IQCM: variants seen among roughly 807,000 people sequenced by gnomAD.
IQCM encodes IQ motif containing M, also known as IQ domain-containing protein M.
A neutral mutation model predicts 57.6 loss-of-function variants in IQCM; 45 were observed. The ratio of observed to expected loss-of-function variants is 0.78; its 90% CI spans 0.62 to 1.00. The LOEUF is 1.00. Among genes scored for constraint, IQCM ranks in the 50% least tolerant of loss-of-function variants. IQCM has a pLI of 0.00. For synonymous variants in IQCM, 148 were observed against 158.9 expected (o/e 0.93, Z 0.51); for missense variants, 468 against 511.6 (o/e 0.91, Z 0.82).
rs185761365 is a variant in IQCM at position 149,620,887 on chromosome 4, A to C, written c.681+242T>G. 2.6e-3 allele frequency among the ~76,000 whole-genome samples: 398 copies of C among 152,364 alleles called. 3 individuals carry two copies. The highest frequency in any genetic ancestry group is 4.0e-3 in the Non-Finnish European group (274 of 68,040). ...GAGCAAACCATGTGATGATCGCTTTAACCAATGCTCTTCAAATAAAAAATG... is the reference window on the plus strand; with the variant it reads ...GAGCAAACCATGTGATGATCGCTTTCACCAATGCTCTTCAAATAAAAAATG... On this transcript the variant is annotated intron_variant, in intron 8 of 13. Coordinates refer to ENST00000636793, the MANE Select transcript of IQCM (RefSeq NM_001363507.2).
intron 12 of IQCM, among the ~76,000 whole-genome samples, chr4:149,536,408 A>G (rs1370745752): frequency 6.6e-6 from 1 of 152,024 alleles, no homozygotes; most frequent in Non-Finnish European, 1.5e-5. Flanking sequence ...GCTATCCTGG[A>G]AATTCTAATC....
At chr4:149,547,272 T>G (rs1748541480) in intron 12 of IQCM, among the ~76,000 whole-genome samples, 3 of 152,204 alleles carry the variant, frequency 2.0e-5, no homozygotes, top group Admixed American at 2.0e-4. Flanking sequence ...CCAGCTTTGT[T>G]AAAAAGTGGT....
intron 12 of IQCM, among the ~76,000 whole-genome samples, chr4:149,540,859 G>T (rs963586008): frequency 1.3e-5 from 2 of 151,910 alleles, no homozygotes; most frequent in Non-Finnish European, 2.9e-5. Context: ...TATTTTTAGG[G>T]TGTATTTTCA....
chr4:149,410,544 A>G (rs1032742838), intron 13 of IQCM, among the ~76,000 whole-genome samples: 32 of 151,488 alleles, frequency 2.1e-4, no homozygotes, highest in African/African-American at 7.2e-4. Context: ...TTTGTAATTT[A>G]TAAACCACTG....
intron 12 of IQCM, among the ~76,000 whole-genome samples, chr4:149,508,466 G>C (rs1372601640): frequency 2.0e-5 from 3 of 152,164 alleles, no homozygotes; most frequent in Non-Finnish European, 4.4e-5. Flanking sequence ...CATGAGACAT[G>C]GCGTCAAAGG....
At chr4:149,593,932 T>C (rs1421351788) in intron 8 of IQCM, among the ~76,000 whole-genome samples, 1 of 152,156 alleles carries the variant, frequency 6.6e-6, no homozygotes, top group East Asian at 1.9e-4. Context: ...TTTTGTTGTG[T>C]CTCTGCCAGG....
chr4:149,756,517 T>G (rs1050214312), intron 2 of IQCM, among the ~76,000 whole-genome samples: 4 of 152,036 alleles, frequency 2.6e-5, no homozygotes, highest in African/African-American at 9.7e-5. Flanking sequence ...TCAAAAGTGC[T>G]ACTAAAAAAT....
At chr4:149,446,644 C>A (rs1736542164) in intron 12 of IQCM, among the ~76,000 whole-genome samples, 1 of 151,486 alleles carries the variant, frequency 6.6e-6, no homozygotes, top group Admixed American at 6.6e-5. Context: ...TTAACTGTAG[C>A]ATTAGATACT....
chr4:149,573,904 G>A, intron 9 of IQCM, among the ~76,000 whole-genome samples: 1 of 151,958 alleles, frequency 6.6e-6, no homozygotes, highest in East Asian at 1.9e-4. Flanking sequence ...TGAAATCAAA[G>A]GAGGACGAAA....
chr4:149,656,754 T>A (rs1259717681), intron 7 of IQCM, among the ~76,000 whole-genome samples: 1 of 152,018 alleles, frequency 6.6e-6, no homozygotes, highest in East Asian at 1.9e-4. Context: ...CACTGGTACG[T>A]AGGGCGGAAT....
chr4:149,625,979 T>TTC (rs1365713354), intron 7 of IQCM, among the ~76,000 whole-genome samples: 4 of 152,234 alleles, frequency 2.6e-5, no homozygotes, highest in African/African-American at 9.6e-5. Context: ...TCATACTATG[T>TTC]TCTGTTTAAT....
At chr4:149,461,091 G>A (rs559424976) in intron 12 of IQCM, among the ~76,000 whole-genome samples, 128 of 151,966 alleles carry the variant, frequency 8.4e-4, no homozygotes, top group African/African-American at 2.7e-3. Context: ...AAAATTAGGC[G>A]GGTGTGGTGG....
chr4:149,767,588 T>C (rs149679205), intron 2 of IQCM, among the ~76,000 whole-genome samples: 6 of 152,216 alleles, frequency 3.9e-5, no homozygotes, highest in Admixed American at 1.3e-4. Context: ...AACATCAGTA[T>C]TGGAGGATAA....
intron 12 of IQCM, among the ~76,000 whole-genome samples, chr4:149,447,308 G>A (rs1445729451): frequency 2.0e-5 from 3 of 151,442 alleles, no homozygotes; most frequent in Non-Finnish European, 4.4e-5. Flanking sequence ...CATGCAAAGA[G>A]GTAGGAAAAT....
chr4:149,666,253 AC>A (rs1234851572), intron 7 of IQCM: 1 of 152,190 alleles, frequency 6.6e-6, no homozygotes, highest in East Asian at 2.0e-4. Flanking sequence ...GACTGGCTAC[AC>A]AGTGGGTGGA....
intron 13 of IQCM, among the ~76,000 whole-genome samples, chr4:149,358,883 C>CATGATATACTCT (rs1172987438): frequency 6.4e-4 from 52 of 81,494 alleles, no homozygotes; most frequent in Non-Finnish European, 8.4e-4. Context: ...TATCATGAGA[C>CATGATATACTCT]CACAGTGGAG....
chr4:149,804,637 T>C (rs1455836999), intron 2 of IQCM, among the ~76,000 whole-genome samples: 1 of 152,110 alleles, frequency 6.6e-6, no homozygotes, highest in Non-Finnish European at 1.5e-5. Context: ...ATTTTTGCCC[T>C]GTATGTTTAT....
At chr4:149,564,269 C>T (rs900972984) in intron 9 of IQCM, among the ~76,000 whole-genome samples, 5 of 152,266 alleles carry the variant, frequency 3.3e-5, no homozygotes, top group Middle Eastern at 3.4e-3. Context: ...TTATTTGGCA[C>T]TGATATGCTG....
chr4:149,749,754 A>G (rs1445912265), intron 2 of IQCM, among the ~76,000 whole-genome samples: 1 of 152,198 alleles, frequency 6.6e-6, no homozygotes, highest in Admixed American at 6.5e-5. Context: ...AATATAACCT[A>G]TTAGAACCCT....
Sources: gnomAD v4.1 joint callset for allele counts (sites outside exome capture counted in the v4.1 genomes callset) on GRCh38, gnomAD v4.1.1 for gene constraint, MANE v1.5 for transcripts, NCBI Gene and HGNC (gene_info 2026-07-23, HGNC 2026-07-21) for gene names.